Variants in SMAD2 observed in about 807,000 individuals in gnomAD.
SMAD2 encodes the protein MAD homolog 2.
Under a neutral mutation model 64.4 loss-of-function variants are expected in SMAD2, and 8 were observed. The ratio of observed to expected loss-of-function variants is 0.12; its 90% CI spans 0.07 to 0.22. The LOEUF (loss-of-function observed/expected upper bound fraction) is 0.22. Ranked by LOEUF, SMAD2 falls within the 10% of genes least tolerant of loss-of-function variation. The probability of loss-of-function intolerance (pLI) is 1.00; values close to 1 mark genes in which losing one functional copy is unlikely to be tolerated. For synonymous variants in SMAD2, 203 were observed against 195.8 expected, an observed-to-expected ratio of 1.04 and a Z score of -0.31; for missense variants, 289 against 561.2, an observed-to-expected ratio of 0.51 and a Z score of 4.90.
chr18:47,911,482 G>A (rs1345267373), intron 1 of SMAD2, among the ~76,000 whole-genome samples: 3 of 152,052 alleles, frequency 2.0e-5, no homozygotes, highest in Admixed American at 6.5e-5. Context: ...CCTCCAGGAA[G>A]AGGCAACACA....
intron 1 of SMAD2, among the ~76,000 whole-genome samples, chr18:47,915,570 C>A (rs2034299568): frequency 6.6e-6 from 1 of 152,016 alleles, no homozygotes; most frequent in African/African-American, 2.4e-5. Flanking sequence ...AACTTTTTAA[C>A]CAAAAAAAGT....
At chr18:47,902,257 T>C (rs1312968054) in intron 1 of SMAD2, among the ~76,000 whole-genome samples, 1 of 152,108 alleles carries the variant, frequency 6.6e-6, no homozygotes, top group Non-Finnish European at 1.5e-5. Context: ...GGTGCAAAAT[T>C]TTGCTTTCTT....
In SMAD2 at chr18:47,822,981, TGCCCA is replaced by T. The variant is rs1233655258; in HGVS notation, c.*18841_*18845del. 1 of 152,240 alleles carries T rather than the reference TGCCCA, an allele frequency of 6.6e-6. No individual in the cohort carries two copies. Among genetic ancestry groups the T allele is most frequent in the Non-Finnish European group, 1.5e-5 (1 of 68,054 alleles). 9.4% of individuals were successfully genotyped at this position (152,240 alleles called of 1,614,324 possible). ...CTGGGATTACAGGCATGAGCCACTG[TGCCCA>T]GCCTATTTGTGAGTACTCTTAAGGC... On this transcript the variant is annotated 3_prime_UTR_variant, in exon 11 of 11. Transcript: ENST00000262160.
Position 47,832,931 on chromosome 18 carries a change from A to G in SMAD2, c.*8896T>C, listed in dbSNP as rs1424088495. Reference sequence around the variant, plus strand: ...ATAATCTTTTATGTAACACCAAATTAAAAAAACAAAAACATGTACTCTTAA... The same window carrying G: ...ATAATCTTTTATGTAACACCAAATTGAAAAAACAAAAACATGTACTCTTAA... On this transcript the variant is annotated 3_prime_UTR_variant, in exon 11 of 11. Transcript: ENST00000262160. 6.2e-6 allele frequency: 1 copy of G among 161,680 alleles called. No individual in the cohort carries two copies. Among genetic ancestry groups the G allele is most frequent in the Non-Finnish European group, 1.4e-5 (1 of 73,598 alleles). 10.0% of individuals were successfully genotyped at this position (161,680 alleles called of 1,614,324 possible).
rs1912946153 is a variant in SMAD2, at chr18:47,830,534, C to T, written c.*11293G>A. The T allele has an allele frequency of 6.7e-6, 1 of 149,582 alleles. No homozygotes were observed. Among genetic ancestry groups the T allele is most frequent in the African/African-American group, 2.5e-5 (1 of 40,110 alleles). 9.3% of individuals were successfully genotyped at this position (149,582 alleles called of 1,614,324 possible). A position where few individuals can be genotyped will look rare whatever the true frequency, so the allele number is the denominator to read the frequency against. ...GAGGCTGCAGTGAGCCGAGATCGCC[C>T]CACTGCACCCCAGCCTGGGCAACAG... On this transcript the variant is annotated 3_prime_UTR_variant, in exon 11 of 11. Transcript: ENST00000262160.
In SMAD2 at chr18:47,818,985, AG is replaced by A. The variant is rs1169296341; in HGVS notation, c.*22841del. On this transcript the variant is annotated 3_prime_UTR_variant, in exon 11 of 11. Transcript: ENST00000262160. ...GCTATGTTTGTGTATGTGTATGTTT[AG>A]GTGTGTTTACACATATGTATATATA... 1 of 152,248 alleles carries A rather than the reference AG, an allele frequency of 6.6e-6. No homozygotes were observed. The highest frequency in any genetic ancestry group is 1.5e-5 in the Non-Finnish European group (1 of 68,042). 9.4% of individuals were successfully genotyped at this position (152,248 alleles called of 1,614,324 possible).
chr18:47,921,184 A>G (rs1056717361), intron 1 of SMAD2, among the ~76,000 whole-genome samples: 1 of 152,182 alleles, frequency 6.6e-6, no homozygotes. Flanking sequence ...CACCCATACA[A>G]AAGAATATTA....
Position 47,841,166 on chromosome 18 carries a change from A to C in SMAD2, c.*661T>G, listed in dbSNP as rs1001667150. 5.2e-5 allele frequency: 12 copies of C among 231,444 alleles called. No homozygotes were observed. The highest frequency in any genetic ancestry group is 1.3e-4 in the African/African-American group (6 of 44,920). 14.3% of individuals were successfully genotyped at this position (231,444 alleles called of 1,614,324 possible). A position where few individuals can be genotyped will look rare whatever the true frequency, so the allele number is the denominator to read the frequency against. On this transcript the variant is annotated 3_prime_UTR_variant, in exon 11 of 11. Coordinates refer to ENST00000262160, the MANE Select transcript of SMAD2 (RefSeq NM_005901.6). The stretch of plus-strand genomic sequence containing the variant: ...CAGTTAAAAAAAAAAACAAAAAAAA[A>C]CAAAAAACCACAAAAAGAATGACTG...
At chr18:47,866,872 A>C (rs1422315652) in intron 5 of SMAD2, 1 of 152,250 alleles carries the variant, frequency 6.6e-6, no homozygotes, top group Non-Finnish European at 1.5e-5. Context: ...GGAATAAAAA[A>C]GAAAGGAAAA....
At chr18:47,845,043 C>T in intron 10 of SMAD2, 1 of 573,140 alleles carries the variant, frequency 1.7e-6, no homozygotes, top group Non-Finnish European at 3.1e-6. Context: ...GCACCGTGTG[C>T]AAACATCTCT....
rs112844681 is a variant in SMAD2, at chr18:47,851,252, G to A, written c.784+22C>T. 1.6e-5 allele frequency: 24 copies of A among 1,544,146 alleles called. 1 individual carries two copies. In the African/African-American group the frequency reaches 2.5e-4, roughly 16 times the overall value. ...AGGTGATACAGTATAAAAATGATGAGGGGAACATATGTGCAACTTACCCAA... is the reference window on the plus strand; with the variant it reads ...AGGTGATACAGTATAAAAATGATGAAGGGAACATATGTGCAACTTACCCAA... On this transcript the variant is annotated intron_variant, in intron 7 of 10. Coordinates refer to ENST00000262160, the MANE Select transcript of SMAD2 (RefSeq NM_005901.6).
At chr18:47,927,724 A>G (rs1598911345) in intron 1 of SMAD2, among the ~76,000 whole-genome samples, 1 of 151,982 alleles carries the variant, frequency 6.6e-6, no homozygotes, top group African/African-American at 2.4e-5. Flanking sequence ...ACATGGTGAA[A>G]CCCCGTCTCT....
Position 47,912,858 on chromosome 18 carries a change from CAAAAAAAAAA to C in SMAD2, c.-53-16059_-53-16050del, listed in dbSNP as rs566813544. Among the ~76,000 whole-genome samples, 5 of 59,234 alleles carry C rather than the reference CAAAAAAAAAA, an allele frequency of 8.4e-5. No individual in the cohort carries two copies. The South Asian group carries it at 2.2e-3, about 26-fold the overall frequency. The allele number at this position is 59,234 out of a possible 152,430, so 38.9% of individuals were successfully genotyped here. On this transcript the variant is annotated intron_variant, in intron 1 of 10. Coordinates refer to ENST00000262160, the MANE Select transcript of SMAD2 (RefSeq NM_005901.6). ...AAAAATGAAACTTCTGTATAAACAGCAAAAAAAAAAAAAAAAAAAAAAGGGATTTCCAGCA... is the reference window on the plus strand; with the variant it reads ...AAAAATGAAACTTCTGTATAAACAGCAAAAAAAAAAAAGGGATTTCCAGCA...
chr18:47,867,319 T>G (rs886440784), intron 5 of SMAD2: 1 of 152,152 alleles, frequency 6.6e-6, no homozygotes, highest in Non-Finnish European at 1.5e-5. Flanking sequence ...AAAAAAAAAC[T>G]TATCTTTCTT....
intron 2 of SMAD2, among the ~76,000 whole-genome samples, chr18:47,873,070 ACTCAAGTGATC>A (rs2144393317): frequency 6.6e-6 from 1 of 152,032 alleles, no homozygotes; most frequent in East Asian, 1.9e-4. Context: ...TGAGTCCTGG[ACTCAAGTGATC>A]CTCTCACCTC....
At position 47,833,783 on chromosome 18, in the gene SMAD2, G is replaced by A. The variant is rs1356008429; in HGVS notation, c.*8044C>T. 1.3e-5 allele frequency: 3 copies of A among 230,936 alleles called. No individual in the cohort carries two copies. Among genetic ancestry groups the A allele is most frequent in the Non-Finnish European group, 2.6e-5 (3 of 116,564 alleles). 14.3% of individuals were successfully genotyped at this position (230,936 alleles called of 1,614,324 possible). A position where few individuals can be genotyped will look rare whatever the true frequency, so the allele number is the denominator to read the frequency against. On this transcript the variant is annotated 3_prime_UTR_variant, in exon 11 of 11. Coordinates refer to ENST00000262160, the MANE Select transcript of SMAD2 (RefSeq NM_005901.6). ...ACATTCTGGCTTCTCGAGCAGAACAGACTGGGAAATGCAGTAGACGCCAGA... is the reference window on the plus strand; with the variant it reads ...ACATTCTGGCTTCTCGAGCAGAACAAACTGGGAAATGCAGTAGACGCCAGA...
At chr18:47,924,116 C>T (rs147421593) in intron 1 of SMAD2, among the ~76,000 whole-genome samples, 2,024 of 151,892 alleles carry the variant, frequency 0.013, 12 homozygotes, top group African/African-American at 0.023. Flanking sequence ...GACATGGTGG[C>T]GCATGCCTGT....
chr18:47,872,661 T>C (rs1370009340), intron 2 of SMAD2, among the ~76,000 whole-genome samples: 1 of 152,104 alleles, frequency 6.6e-6, no homozygotes, highest in East Asian at 1.9e-4. Context: ...GCAGTGGCAT[T>C]AGATTCTCAT....
At chr18:47,868,960 T>C (rs140765455) in intron 4 of SMAD2, among the ~76,000 whole-genome samples, 23 of 152,318 alleles carry the variant, frequency 1.5e-4, no homozygotes, top group African/African-American at 5.5e-4. Context: ...AGCAGGGACA[T>C]GTAGAAGCAC....
Sources: allele counts gnomAD v4.1 joint callset (sites outside exome capture counted in the v4.1 genomes callset), GRCh38; gene constraint gnomAD v4.1.1; transcripts MANE v1.5; gene names NCBI Gene and HGNC (gene_info 2026-07-23, HGNC 2026-07-21).